ATP13A4: variants seen among roughly 807,000 people sequenced by gnomAD.
The protein encoded by ATP13A4 is probable cation-transporting ATPase 13A4.
Under a neutral mutation model 142.5 loss-of-function variants are expected in ATP13A4, and 114 were observed. The ratio of observed to expected loss-of-function variants is 0.80; its 90% CI spans 0.69 to 0.93. ATP13A4 has a LOEUF of 0.93. ATP13A4 is among the 40% of genes least tolerant of loss of function. The pLI is 0.00. For missense variants in ATP13A4, 1,392 were observed against 1,454.0 expected (o/e 0.96, Z 0.69); for synonymous variants, 488 against 514.8 (o/e 0.95, Z 0.70).
At chr3:193,487,468 G>A (rs1205733815) in intron 7 of ATP13A4, among the ~76,000 whole-genome samples, 1 of 152,154 alleles carries the variant, frequency 6.6e-6, no homozygotes, top group Non-Finnish European at 1.5e-5. Flanking sequence ...TGTAAGGAAT[G>A]TAAACTGGTA....
At chr3:193,540,200 A>G (rs1191926296) in intron 1 of ATP13A4, among the ~76,000 whole-genome samples, 1 of 152,066 alleles carries the variant, frequency 6.6e-6, no homozygotes, top group Non-Finnish European at 1.5e-5. Flanking sequence ...TTGCTGCAAG[A>G]GCCCTATTCA....
intron 1 of ATP13A4, among the ~76,000 whole-genome samples, chr3:193,543,551 C>T (rs983132697): frequency 2.0e-5 from 3 of 152,132 alleles, no homozygotes; most frequent in Non-Finnish European, 2.9e-5. Context: ...TTTTGATAGC[C>T]GATCTTAACC....
intron 14 of ATP13A4, 124 bp downstream of exon 14, chr3:193,458,957 T>A (rs753457916): frequency 1.3e-4 from 179 of 1,368,162 alleles, no homozygotes; most frequent in Middle Eastern, 5.3e-4. Context: ...GGTTTGCCCT[T>A]CACTACCAAA....
chr3:193,416,973 A>G (rs1286650800), intron 25 of ATP13A4: 1 of 152,244 alleles, frequency 6.6e-6, no homozygotes, highest in African/African-American at 2.4e-5. Flanking sequence ...GAAAGCAGTG[A>G]GGGATAAGTG....
chr3:193,403,430 C>T (rs530361497), intron 29 of ATP13A4, among the ~76,000 whole-genome samples: 41 of 152,228 alleles, frequency 2.7e-4, no homozygotes, highest in African/African-American at 7.5e-4. Context: ...TCCATGTCTC[C>T]GTGATTAGAA....
At chr3:193,575,718 T>G (rs1724377316) in intron 2 of ATP13A4, among the ~76,000 whole-genome samples, 1 of 152,212 alleles carries the variant, frequency 6.6e-6, no homozygotes, top group Non-Finnish European at 1.5e-5. Context: ...TCTCCAAAAT[T>G]TCCACAAAGT....
At chr3:193,531,271 T>TGAGG (rs1193661259) in intron 1 of ATP13A4, among the ~76,000 whole-genome samples, 5,030 of 77,958 alleles carry the variant, frequency 0.065, 345 homozygotes, top group Non-Finnish European at 0.078. Flanking sequence ...GCTCAATAAG[T>TGAGG]GAGGGAGGGA....
In ATP13A4 at chr3:193,418,038, C is replaced by T. The variant is rs868008919; in HGVS notation, c.2843-3288G>A. ...TTGGGAGGCTGAGGCAGGAGAATGGCGTGAACCCGGGAGGCAGAGCTTGCA... is the reference window on the plus strand; with the variant it reads ...TTGGGAGGCTGAGGCAGGAGAATGGTGTGAACCCGGGAGGCAGAGCTTGCA... On this transcript the variant is annotated intron_variant, in intron 25 of 29. Coordinates refer to ENST00000342695, the MANE Select transcript of ATP13A4 (RefSeq NM_032279.4). Among the ~76,000 whole-genome samples, 185 of 130,704 alleles carry T rather than the reference C, an allele frequency of 1.4e-3. 7 individuals are homozygous for T. The highest frequency in any genetic ancestry group is 4.4e-3 in the African/African-American group (153 of 34,550). 85.7% of individuals were successfully genotyped at this position (130,704 alleles called of 152,430 possible).
intron 2 of ATP13A4, among the ~76,000 whole-genome samples, chr3:193,574,947 T>G (rs1369079860): frequency 6.6e-6 from 1 of 152,190 alleles, no homozygotes; most frequent in Non-Finnish European, 1.5e-5. Context: ...CTGTGACTAC[T>G]CTGACCAGTA....
chr3:193,491,007 T>G (rs1353112592), intron 6 of ATP13A4, among the ~76,000 whole-genome samples: 1 of 152,054 alleles, frequency 6.6e-6, no homozygotes, highest in Non-Finnish European at 1.5e-5. Context: ...AAGGATTAGC[T>G]TAAAAAAAAT....
At chr3:193,458,662 C>T (rs1717776273) in intron 14 of ATP13A4, 1 of 269,644 alleles carries the variant, frequency 3.7e-6, no homozygotes, top group Non-Finnish European at 7.1e-6. Context: ...GACTTATAGT[C>T]CCCGTGAATC....
At chr3:193,419,951 C>A (rs1169060121) in intron 25 of ATP13A4, among the ~76,000 whole-genome samples, 1 of 150,086 alleles carries the variant, frequency 6.7e-6, no homozygotes, top group Non-Finnish European at 1.5e-5. Context: ...GCCCCATCAT[C>A]TCAGGGTCCA....
In ATP13A4 at chr3:193,459,180, T is replaced by C; in HGVS notation, c.1575A>G (p.Pro525=). 1 of 1,614,232 alleles carries C rather than the reference T, an allele frequency of 6.2e-7. No homozygotes were observed. The highest frequency in any genetic ancestry group is 8.5e-7 in the Non-Finnish European group (1 of 1,180,042). Residue 525 remains proline (P), a synonymous_variant, in exon 14 of 30, where the codon CCA becomes CCG. Transcript: ENST00000342695. ...GGCAGCTGGCCATCGCTGCACACAG[T>C]GGGCCCCATGGCAAAGCCTGGCCTG... The part of the protein sequence containing the change: ...FASGQALPWG[P]LCAAMASCHS...
At chr3:193,435,376 A>G (rs370478459) in intron 24 of ATP13A4, among the ~76,000 whole-genome samples, 1 of 152,204 alleles carries the variant, frequency 6.6e-6, no homozygotes, top group African/African-American at 2.4e-5. Context: ...ACCTTGTCCA[A>G]TCAGGTAAAA....
chr3:193,437,270 T>C (rs887434354), intron 23 of ATP13A4, among the ~76,000 whole-genome samples: 1 of 151,990 alleles, frequency 6.6e-6, no homozygotes, highest in Non-Finnish European at 1.5e-5. Flanking sequence ...TACCACCCCA[T>C]CTGAAGCAGC....
At chr3:193,575,627 A>G (rs1179255348) in intron 2 of ATP13A4, among the ~76,000 whole-genome samples, 1 of 152,228 alleles carries the variant, frequency 6.6e-6, no homozygotes, top group Non-Finnish European at 1.5e-5. Flanking sequence ...TTGTATATCC[A>G]TCAGGAAAAT....
chr3:193,433,040 G>T (rs1716066520), intron 25 of ATP13A4, among the ~76,000 whole-genome samples: 1 of 152,122 alleles, frequency 6.6e-6, no homozygotes. Context: ...AAACTCTTGT[G>T]TCCATAATCA....
chr3:193,584,680 A>G (rs1724635104), intron 1 of ATP13A4, among the ~76,000 whole-genome samples: 1 of 152,118 alleles, frequency 6.6e-6, no homozygotes, highest in Non-Finnish European at 1.5e-5. Flanking sequence ...ATACATGCAA[A>G]GTGAACAGAA....
Position 193,514,707 on chromosome 3 carries a change from C to A in ATP13A4, c.225G>T (p.Leu75=), listed in dbSNP as rs1721315668. The A allele has an allele frequency of 6.2e-7, 1 of 1,614,050 alleles. No individual in the cohort carries two copies. Among genetic ancestry groups the A allele is most frequent in the Non-Finnish European group, 8.5e-7 (1 of 1,180,032 alleles). The change falls in exon 2 of 30, where the codon CTG becomes CTT. Residue 75 remains leucine, a synonymous_variant. Coordinates refer to ENST00000342695, the MANE Select transcript of ATP13A4 (RefSeq NM_032279.4). ...CSLQEADTVL[L]RTTDEFQIYS... The stretch of plus-strand genomic sequence containing the variant: ...CCAGGTACACACTTACCGTTGTCCT[C>A]AGCAACACAGTGTCTGCTTCTTGCA...
Sources: gnomAD v4.1 joint callset for allele counts (sites outside exome capture counted in the v4.1 genomes callset) on GRCh38, gnomAD v4.1.1 for gene constraint, MANE v1.5 for transcripts, NCBI Gene and HGNC (gene_info 2026-07-23, HGNC 2026-07-21) for gene names.